The following GALNTL6 variants were observed in gnomAD, a reference collection of about 807,000 sequenced individuals.
GALNTL6 encodes the protein polypeptide N-acetylgalactosaminyltransferase-like 6.
GALNTL6 carries 46 observed loss-of-function variants against 73.7 expected under a neutral mutation model. That is an observed-to-expected ratio of 0.62 (90% CI 0.49 to 0.80). GALNTL6 has a LOEUF of 0.80. Among genes scored for constraint, GALNTL6 ranks in the 30% least tolerant of loss-of-function variants. The pLI, the probability that GALNTL6 is intolerant of heterozygous loss-of-function variation, is 0.00. For synonymous variants in GALNTL6, 259 were observed against 263.7 expected (o/e 0.98, Z 0.17); for missense variants, 604 against 755.0 (o/e 0.80, Z 2.34).
At chr4:172,912,971 G>A (rs1249431664) in intron 8 of GALNTL6, among the ~76,000 whole-genome samples, 3 of 152,136 alleles carry the variant, frequency 2.0e-5, no homozygotes, top group African/African-American at 7.2e-5. Context: ...TCCCAGTAGG[G>A]GCCGACTGAC....
At chr4:172,423,964 A>G (rs528705969) in intron 5 of GALNTL6, among the ~76,000 whole-genome samples, 25 of 152,214 alleles carry the variant, frequency 1.6e-4, no homozygotes, top group African/African-American at 6.0e-4. Flanking sequence ...AGTTACTTAC[A>G]TGCCTCAGCT....
chr4:172,386,998 T>A (rs2111294946), intron 5 of GALNTL6, among the ~76,000 whole-genome samples: 1 of 152,238 alleles, frequency 6.6e-6, no homozygotes, highest in South Asian at 2.1e-4. Flanking sequence ...TATTGAAGCA[T>A]TAAGAATAAT....
chr4:172,732,635 A>T (rs546552853), intron 5 of GALNTL6, among the ~76,000 whole-genome samples: 6 of 152,084 alleles, frequency 3.9e-5, no homozygotes, highest in African/African-American at 1.4e-4. Flanking sequence ...CTTTTGGCTT[A>T]AATTATTGTC....
chr4:172,418,085 A>G (rs923480061), intron 5 of GALNTL6, among the ~76,000 whole-genome samples: 2 of 152,212 alleles, frequency 1.3e-5, no homozygotes, highest in East Asian at 1.9e-4. Context: ...TACCTAATGC[A>G]TAGGCAAACA....
At chr4:172,169,934 C>A (rs756173403) in intron 2 of GALNTL6, among the ~76,000 whole-genome samples, 9 of 152,198 alleles carry the variant, frequency 5.9e-5, no homozygotes, top group Non-Finnish European at 1.2e-4. Context: ...ATCACAACAA[C>A]TCTTTATTCT....
At chr4:172,815,370 C>A (rs1321089595) in intron 7 of GALNTL6, among the ~76,000 whole-genome samples, 1 of 152,068 alleles carries the variant, frequency 6.6e-6, no homozygotes, top group Non-Finnish European at 1.5e-5. Flanking sequence ...AGGGCCTTAA[C>A]CGTGGTAGAA....
chr4:171,948,376 G>A (rs1253629576), intron 2 of GALNTL6, among the ~76,000 whole-genome samples: 2 of 152,170 alleles, frequency 1.3e-5, no homozygotes, highest in Non-Finnish European at 2.9e-5. Flanking sequence ...AAGTAATTTA[G>A]ATATGCCAGT....
intron 5 of GALNTL6, among the ~76,000 whole-genome samples, chr4:172,805,053 T>C (rs932926197): frequency 6.6e-6 from 1 of 152,074 alleles, no homozygotes; most frequent in African/African-American, 2.4e-5. Flanking sequence ...CGAGGGAAAT[T>C]ATAGAATTAG....
At chr4:172,146,165 C>CA (rs1733922974) in intron 2 of GALNTL6, among the ~76,000 whole-genome samples, 1 of 152,164 alleles carries the variant, frequency 6.6e-6, no homozygotes, top group Non-Finnish European at 1.5e-5. Context: ...TGCTGTTTAT[C>CA]AAGTGTCTAG....
chr4:171,863,658 A>G (rs1735897221), intron 2 of GALNTL6, among the ~76,000 whole-genome samples: 1 of 152,214 alleles, frequency 6.6e-6, no homozygotes, highest in Non-Finnish European at 1.5e-5. Flanking sequence ...CTGGATATTC[A>G]TCATTAGTCA....
chr4:172,111,263 C>T lies in GALNTL6; in HGVS notation c.139-118393C>T, dbSNP rs1251193802. Reference sequence around the variant, plus strand: ...TTGGCAATAATACAGAACAGACCACCCAGCCCGGTCTTACAAATTTATACT... The same window carrying T: ...TTGGCAATAATACAGAACAGACCACTCAGCCCGGTCTTACAAATTTATACT... On this transcript the variant is annotated intron_variant, in intron 2 of 12. Transcript: ENST00000506823. Among the ~76,000 whole-genome samples, 4 of 151,998 alleles carry T rather than the reference C, an allele frequency of 2.6e-5. No individual in the cohort carries two copies. In the East Asian group the frequency reaches 7.7e-4, roughly 29 times the overall value.
At chr4:171,942,996 G>A (rs762381002) in intron 2 of GALNTL6, among the ~76,000 whole-genome samples, 5 of 152,008 alleles carry the variant, frequency 3.3e-5, no homozygotes, top group South Asian at 2.1e-4. Flanking sequence ...CTGGTATGCC[G>A]TCTACACAAA....
intron 3 of GALNTL6, among the ~76,000 whole-genome samples, chr4:172,256,024 A>G (rs909303370): frequency 1.3e-5 from 2 of 151,542 alleles, no homozygotes; most frequent in Non-Finnish European, 3.0e-5. Flanking sequence ...AAATATTTTT[A>G]CAACATGGAA....
In GALNTL6 at chr4:172,898,669, T is replaced by C. The variant is rs147765917; in HGVS notation, c.1041+15762T>C. ...ATATAGTACAAGTCAAATGTAAGAA[T>C]ACAGCTAACTTTTAAAATGTATGCA... On this transcript the variant is annotated intron_variant, in intron 8 of 12. Transcript: ENST00000506823. Among the ~76,000 whole-genome samples, 132 of 152,286 alleles carry C rather than the reference T, an allele frequency of 8.7e-4. 1 individual carries two copies. The highest frequency in any genetic ancestry group is 2.7e-3 in the African/African-American group (114 of 41,574).
At position 171,835,308 on chromosome 4, in the gene GALNTL6, A is replaced by G. The variant is rs748239512; in HGVS notation, c.138+20590A>G. 1.1e-4 allele frequency among the ~76,000 whole-genome samples: 17 copies of G among 151,938 alleles called. 2 individuals carry two copies. The highest frequency in any genetic ancestry group is 4.6e-4 in the Admixed American group (7 of 15,204). On this transcript the variant is annotated intron_variant, in intron 2 of 12. Transcript: ENST00000506823. ...TTTGGCTTTGTGTGTCTGTGTATGT[A>G]TATGTGTCTCCGTGTATCTGTGTGT... is the stretch of plus-strand genomic sequence containing the variant.
intron 5 of GALNTL6, among the ~76,000 whole-genome samples, chr4:172,606,553 ATATATATATATACATATACATAGTATATG>A (rs1303119604): frequency 7.8e-6 from 1 of 128,672 alleles, no homozygotes; most frequent in Non-Finnish European, 1.7e-5. Context: ...GGAAGTGTAT[ATATATATATATACATATACATAGTATATG>A]TATATATATA....
intron 5 of GALNTL6, among the ~76,000 whole-genome samples, chr4:172,743,493 T>C (rs1362534961): frequency 6.6e-6 from 1 of 152,068 alleles, no homozygotes; most frequent in East Asian, 1.9e-4. Flanking sequence ...ATACTGCAGA[T>C]CGTTGGACAC....
intron 3 of GALNTL6, among the ~76,000 whole-genome samples, chr4:172,290,301 C>A (rs905039784): frequency 1.3e-5 from 2 of 152,098 alleles, no homozygotes; most frequent in Non-Finnish European, 2.9e-5. Context: ...GAGACCGAAC[C>A]ATATTTGCTC....
At chr4:172,623,557 C>T (rs1443269774) in intron 5 of GALNTL6, among the ~76,000 whole-genome samples, 1 of 151,938 alleles carries the variant, frequency 6.6e-6, no homozygotes, top group African/African-American at 2.4e-5. Flanking sequence ...CATAAGGTAC[C>T]TACTAAAAAG....
Sources: allele counts gnomAD v4.1 joint callset (sites outside exome capture counted in the v4.1 genomes callset), GRCh38; gene constraint gnomAD v4.1.1; transcripts MANE v1.5; gene names NCBI Gene and HGNC (gene_info 2026-07-23, HGNC 2026-07-21).